GRIA1: variants seen among roughly 807,000 people sequenced by gnomAD.
GRIA1 encodes the protein glutamate receptor 1.
Under a neutral mutation model 99.2 loss-of-function variants are expected in GRIA1, and 31 were observed. The observed-to-expected ratio is 0.31, with a 90% confidence interval of 0.23 to 0.42. The LOEUF is 0.42. Among genes scored for constraint, GRIA1 ranks in the 10% least tolerant of loss-of-function variants. The pLI is 1.00. For missense variants in GRIA1, 782 were observed against 1,157.5 expected, an observed-to-expected ratio of 0.68 and a Z score of 4.71; for synonymous variants, 438 against 432.4, an observed-to-expected ratio of 1.01 and a Z score of -0.16.
chr5:153,575,860 C>T (rs989736422), intron 2 of GRIA1, among the ~76,000 whole-genome samples: 1 of 152,170 alleles, frequency 6.6e-6, no homozygotes, highest in African/African-American at 2.4e-5. Flanking sequence ...GGCAGTTAGA[C>T]AAGGGAGTGA....
At chr5:153,763,121 CATATATTTGTTGGATTTCTTGGAGT>C (rs1763291827) in intron 11 of GRIA1, among the ~76,000 whole-genome samples, 4 of 152,146 alleles carry the variant, frequency 2.6e-5, no homozygotes, top group African/African-American at 9.7e-5. Flanking sequence ...CAAGCAATGA[CATATATTTGTTGGATTTCTTGGAGT>C]AAACCCTGTC....
chr5:153,512,016 G>A (rs935146484), intron 2 of GRIA1, among the ~76,000 whole-genome samples: 1 of 152,158 alleles, frequency 6.6e-6, no homozygotes, highest in African/African-American at 2.4e-5. Context: ...CAAATCTGCT[G>A]CAAAAAGAGG....
intron 13 of GRIA1, among the ~76,000 whole-genome samples, chr5:153,777,285 G>T (rs547497612): frequency 8.9e-4 from 136 of 152,266 alleles, no homozygotes; most frequent in Non-Finnish European, 1.6e-3. Flanking sequence ...ACATGAGGAG[G>T]AGGCCCTGAA....
At chr5:153,689,743 T>C (rs1459997567) in intron 8 of GRIA1, among the ~76,000 whole-genome samples, 1 of 152,182 alleles carries the variant, frequency 6.6e-6, no homozygotes, top group African/African-American at 2.4e-5. Flanking sequence ...GTCAGTGCCA[T>C]CTGCTGCATT....
intron 15 of GRIA1, among the ~76,000 whole-genome samples, chr5:153,806,889 A>T (rs1766467150): frequency 6.6e-6 from 1 of 152,242 alleles, no homozygotes; most frequent in African/African-American, 2.4e-5. Context: ...CACAAGCTAG[A>T]AACTAAAAAA....
chr5:153,754,829 C>T (rs1348599618), intron 11 of GRIA1, among the ~76,000 whole-genome samples: 3 of 152,162 alleles, frequency 2.0e-5, no homozygotes, highest in African/African-American at 2.4e-5. Flanking sequence ...TACAATGCTA[C>T]ACCAAAGAAC....
At chr5:153,703,714 G>A (rs1758691637) in intron 10 of GRIA1, among the ~76,000 whole-genome samples, 1 of 152,116 alleles carries the variant, frequency 6.6e-6, no homozygotes, top group South Asian at 2.1e-4. Flanking sequence ...CTCCAACCTG[G>A]GGAACAGGGC....
intron 11 of GRIA1, among the ~76,000 whole-genome samples, chr5:153,737,620 C>T (rs1761474835): frequency 6.6e-6 from 1 of 152,168 alleles, no homozygotes; most frequent in Non-Finnish European, 1.5e-5. Flanking sequence ...GGACGAACTT[C>T]CAGTACTTGT....
intron 13 of GRIA1, among the ~76,000 whole-genome samples, chr5:153,776,841 C>G (rs1183422787): frequency 1.3e-5 from 2 of 152,146 alleles, no homozygotes; most frequent in African/African-American, 2.4e-5. Context: ...AGTTGCTCAT[C>G]CCCCATACTG....
rs139977506 is a variant in GRIA1, at chr5:153,674,553, A to G, written c.753A>G (p.Thr251=). 24 of 1,613,978 alleles carry G rather than the reference A, an allele frequency of 1.5e-5. No individual in the cohort carries two copies. The African/African-American group carries it at 2.8e-4, about 19-fold the overall frequency. The change falls in exon 6 of 16, where the codon ACA becomes ACG. Residue 251 remains threonine (T), a synonymous_variant. Transcript: ENST00000285900. ...NKFKESGANV[T]GFQLVNYTDT... ...TCAAGGAGAGTGGCGCCAATGTGAC[A>G]GGTTTCCAGCTGGTGAACTACACAG...
chr5:153,506,758 G>C (rs1581145244), intron 2 of GRIA1, among the ~76,000 whole-genome samples: 1 of 152,140 alleles, frequency 6.6e-6, no homozygotes, highest in Non-Finnish European at 1.5e-5. Context: ...TAGTTTATTA[G>C]CTTTGGGAAA....
chr5:153,621,128 T>TTTCA (rs1173106126), intron 2 of GRIA1, among the ~76,000 whole-genome samples: 1 of 152,220 alleles, frequency 6.6e-6, no homozygotes, highest in Non-Finnish European at 1.5e-5. Flanking sequence ...GTAAATTGTA[T>TTTCA]TATATACTTG....
intron 2 of GRIA1, among the ~76,000 whole-genome samples, chr5:153,594,205 G>C (rs1458418257): frequency 6.6e-6 from 1 of 152,042 alleles, no homozygotes; most frequent in Non-Finnish European, 1.5e-5. Context: ...TTAATTCACA[G>C]GTCATTCATG....
At chr5:153,501,032 A>G (rs746175435) in intron 2 of GRIA1, among the ~76,000 whole-genome samples, 2 of 152,212 alleles carry the variant, frequency 1.3e-5, no homozygotes, top group African/African-American at 4.8e-5. Flanking sequence ...TATGATTAAT[A>G]GAAGTTCTCT....
intron 2 of GRIA1, among the ~76,000 whole-genome samples, chr5:153,498,358 C>T (rs1389288334): frequency 1.3e-5 from 2 of 152,176 alleles, no homozygotes; most frequent in East Asian, 1.9e-4. Flanking sequence ...GCTTCACCAC[C>T]AGAATATAAA....
chr5:153,496,019 G>C (rs183892434), intron 2 of GRIA1, among the ~76,000 whole-genome samples: 5 of 152,324 alleles, frequency 3.3e-5, no homozygotes, highest in Non-Finnish European at 2.9e-5. Context: ...TCATGCTGCT[G>C]AGAAATATCT....
At chr5:153,658,208 A>G (rs376307965) in intron 5 of GRIA1, among the ~76,000 whole-genome samples, 58 of 152,254 alleles carry the variant, frequency 3.8e-4, no homozygotes, top group African/African-American at 1.2e-3. Flanking sequence ...TACACAGAAC[A>G]ATACATAGAA....
At chr5:153,596,125 G>T (rs1764412958) in intron 2 of GRIA1, among the ~76,000 whole-genome samples, 1 of 152,076 alleles carries the variant, frequency 6.6e-6, no homozygotes, top group South Asian at 2.1e-4. Flanking sequence ...GATCAATTTG[G>T]ATGCATCCAT....
chr5:153,705,693 TCAGA>T lies in GRIA1; in HGVS notation c.1453-3_1453del. The T allele has an allele frequency of 9.1e-7, 1 of 1,101,456 alleles. No homozygotes were observed. The highest frequency in any genetic ancestry group is 1.2e-6 in the Non-Finnish European group (1 of 840,704). The allele number at this position is 1,101,456 out of a possible 1,614,324, so 68.2% of individuals were successfully genotyped here. A position where few individuals can be genotyped will look rare whatever the true frequency, so the allele number is the denominator to read the frequency against. On this transcript the variant is annotated splice_acceptor_variant and splice_polypyrimidine_tract_variant and coding_sequence_variant and intron_variant, in exon 11 of 16. Coordinates refer to ENST00000285900, the MANE Select transcript of GRIA1 (RefSeq NM_000827.4). LOFTEE classifies it high-confidence loss of function. ...TTTTTTTTTTTTTTTTTTTTTTTTTTCAGAGAGCAGATGTGGCTGTGGCTCCCTT... is the reference window on the plus strand; with the variant it reads ...TTTTTTTTTTTTTTTTTTTTTTTTTTGAGCAGATGTGGCTGTGGCTCCCTT...
Sources: gnomAD v4.1 joint callset for allele counts (sites outside exome capture counted in the v4.1 genomes callset) on GRCh38, gnomAD v4.1.1 for gene constraint, MANE v1.5 for transcripts, NCBI Gene and HGNC (gene_info 2026-07-23, HGNC 2026-07-21) for gene names.